C6orf120: variants seen among roughly 807,000 people sequenced by gnomAD.
The protein encoded by C6orf120 is chromosome 6 open reading frame 120.
For missense variants in C6orf120, 311 were observed against 264.2 expected, an observed-to-expected ratio of 1.18 and a Z score of -1.23; for synonymous variants, 165 against 123.1, an observed-to-expected ratio of 1.34 and a Z score of -2.25.
At chr6:169,702,739 C>T (rs1788434803) in exon 1 of C6orf120, 3 of 1,613,384 alleles carry the variant, frequency 1.9e-6, no homozygotes, top group Non-Finnish European at 1.7e-6. Flanking sequence ...CGACTACGAG[C>T]TGCAATCGGC....
downstream of C6orf120, chr6:169,705,027 A>G (rs774895100): frequency 1.7e-5 from 13 of 752,230 alleles, no homozygotes; most frequent in Non-Finnish European, 2.8e-5. Context: ...TTTGCACATA[A>G]GAGTCCACAA....
exon 1 of C6orf120, chr6:169,702,256 G>A (rs1407324195): frequency 5.8e-6 from 4 of 691,598 alleles, no homozygotes; most frequent in Middle Eastern, 2.8e-4. Context: ...CTGAGTGGGC[G>A]CCGCGCTACG....
rs1788703380 is a variant in C6orf120 at position 169,704,510 on chromosome 6, C to CT, written c.*1478dup. 5 of 180,408 alleles carry CT rather than the reference C, an allele frequency of 2.8e-5. No individual in the cohort carries two copies. The South Asian group carries it at 7.9e-4, about 28-fold the overall frequency. 11.2% of individuals were successfully genotyped at this position (180,408 alleles called of 1,614,324 possible). A position where few individuals can be genotyped will look rare whatever the true frequency, so the allele number is the denominator to read the frequency against. On this transcript the variant is annotated 3_prime_UTR_variant, in exon 1 of 1. Coordinates refer to ENST00000332290, the Ensembl canonical transcript of C6orf120. ...GTACTCTGCTGACAGCACTTTAAAA[C>CT]TTTAACAGCACAATGATAACTTGTA... is the stretch of plus-strand genomic sequence containing the variant.
downstream of C6orf120, chr6:169,705,503 T>C (rs1173659339): frequency 9.3e-6 from 7 of 752,650 alleles, no homozygotes; most frequent in Non-Finnish European, 1.4e-5. Context: ...CAAGCTACCC[T>C]GTGTATTTAA....
In C6orf120 at chr6:169,702,933, GA is replaced by G. The variant is rs1788479601; in HGVS notation, c.476del (p.Lys159SerfsTer21). Reference sequence around the variant, plus strand: ...CCGCCGACGGCGCAGATGCCGGCCAGAAGCACGCTGGTGCCCCGGAAGACGC... The same window carrying G: ...CCGCCGACGGCGCAGATGCCGGCCAGAGCACGCTGGTGCCCCGGAAGACGC... On this transcript the variant is annotated frameshift_variant, in exon 1 of 1. Coordinates refer to ENST00000332290, the Ensembl canonical transcript of C6orf120. LOFTEE classifies it low-confidence loss of function (END_TRUNC). 1 of 1,612,284 alleles carries G rather than the reference GA, an allele frequency of 6.2e-7. No homozygotes were observed. The highest frequency in any genetic ancestry group is 8.5e-7 in the Non-Finnish European group (1 of 1,179,652).
chr6:169,702,941 C>T, exon 1 of C6orf120: 2 of 1,611,784 alleles, frequency 1.2e-6, no homozygotes, highest in Non-Finnish European at 1.7e-6. Flanking sequence ...CAGAAGCACG[C>T]TGGTGCCCCG....
At chr6:169,702,208 G>A in exon 1 of C6orf120, 2 of 682,088 alleles carry the variant, frequency 2.9e-6, no homozygotes, top group Non-Finnish European at 5.4e-6. Flanking sequence ...TGAGTCCGAG[G>A]GTGCCACAGC....
rs780117589 is a variant in C6orf120, at chr6:169,702,931, C to G, written c.472C>G (p.Gln158Glu). Residue 158 changes from glutamine to glutamate, a missense_variant, in exon 1 of 1, where the codon CAG (glutamine) becomes GAG (glutamate). Physicochemically the swap from Gln to Glu is conservative, Grantham distance 29. Coordinates refer to ENST00000332290, the Ensembl canonical transcript of C6orf120. ...CCCCGCCGACGGCGCAGATGCCGGC[C>G]AGAAGCACGCTGGTGCCCCGGAAGA... The G allele has an allele frequency of 3.8e-5, 61 of 1,612,344 alleles. No homozygotes were observed. The East Asian group carries it at 1.3e-3, about 35-fold the overall frequency.
At chr6:169,702,251 T>C in exon 1 of C6orf120, 2 of 682,160 alleles carry the variant, frequency 2.9e-6, no homozygotes, top group Non-Finnish European at 2.7e-6. Flanking sequence ...CTGCCCTGAG[T>C]GGGCGCCGCG....
At chr6:169,705,228 C>T (rs1788740055), downstream of C6orf120, 4 of 1,613,400 alleles carry the variant, frequency 2.5e-6, no homozygotes, top group Non-Finnish European at 3.4e-6. Flanking sequence ...GGGTTGTCCA[C>T]ATATAATGCA....
rs200955655 is a variant in C6orf120 at position 169,702,438 on chromosome 6, C to T, written c.-22C>T. The stretch of plus-strand genomic sequence containing the variant: ...CCAGCAGCACTGACCCACTTGCAGG[C>T]CCCGGAGCTGAGCCGCCAGCCATGG... On this transcript the variant is annotated 5_prime_UTR_variant, in exon 1 of 1. Transcript: ENST00000332290. 1.3e-4 allele frequency: 193 copies of T among 1,441,226 alleles called. No individual in the cohort carries two copies. The East Asian group carries it at 4.6e-3, about 35-fold the overall frequency. The allele number at this position is 1,441,226 out of a possible 1,614,324, so 89.3% of individuals were successfully genotyped here.
rs1024631324 is a variant in C6orf120 at position 169,702,229 on chromosome 6, C to A, written c.-231C>A. 14 of 689,516 alleles carry A rather than the reference C, an allele frequency of 2.0e-5. No homozygotes were observed. The highest frequency in any genetic ancestry group is 2.9e-5 in the Non-Finnish European group (11 of 377,522). The allele number at this position is 689,516 out of a possible 1,614,324, so 42.7% of individuals were successfully genotyped here. On this transcript the variant is annotated 5_prime_UTR_variant, in exon 1 of 1. In the 5' UTR this introduces an upstream ATG that the reference lacks. Coordinates refer to ENST00000332290, the Ensembl canonical transcript of C6orf120. ...CGAGGGTGCCACAGCGGCCCTGCCC[C>A]TGCCCCTGCCCCTGCCCTGAGTGGG...
At chr6:169,704,864 A>T (rs1431785358), downstream of C6orf120, 1 of 332,342 alleles carries the variant, frequency 3.0e-6, no homozygotes, top group Non-Finnish European at 5.7e-6. Context: ...TTGTTACTTT[A>T]GTATTTCAGT....
chr6:169,702,321 C>A, exon 1 of C6orf120: 2 of 651,218 alleles, frequency 3.1e-6, no homozygotes, highest in Non-Finnish European at 5.4e-6. Context: ...TGGGAAGGGA[C>A]AGTCCCAGCG....
chr6:169,703,221 AT>A (rs1788535032), exon 1 of C6orf120: 2 of 636,554 alleles, frequency 3.1e-6, no homozygotes, highest in African/African-American at 1.8e-5. Context: ...CAAGCACAGT[AT>A]TTTAAAGATC....
downstream of C6orf120, among the ~76,000 whole-genome samples, chr6:169,706,327 G>C (rs1020091586): frequency 2.0e-5 from 3 of 150,954 alleles, no homozygotes; most frequent in Non-Finnish European, 4.4e-5. Context: ...TATTCTCTTT[G>C]CATGTCTAAT....
exon 1 of C6orf120, chr6:169,702,687 G>T (rs373681738): frequency 6.2e-7 from 1 of 1,613,472 alleles, no homozygotes; most frequent in Non-Finnish European, 8.5e-7. Context: ...AGGGAGATGC[G>T]GATCTGTACG....
chr6:169,704,008 C>T (rs1788666682), exon 1 of C6orf120: 2 of 1,599,210 alleles, frequency 1.3e-6, no homozygotes, highest in South Asian at 1.1e-5. Flanking sequence ...CTATTTTATC[C>T]CTCTTTGCTG....
At chr6:169,705,251 C>T, downstream of C6orf120, 1 of 1,612,982 alleles carries the variant, frequency 6.2e-7, no homozygotes, top group Non-Finnish European at 8.5e-7. Context: ...TTTTACATTC[C>T]ATACACTGCC....
Sources: gnomAD v4.1 joint callset for allele counts (sites outside exome capture counted in the v4.1 genomes callset) on GRCh38, gnomAD v4.1.1 for gene constraint, MANE v1.5 for transcripts, NCBI Gene and HGNC (gene_info 2026-07-23, HGNC 2026-07-21) for gene names.